Variants in CDH4 observed in about 807,000 individuals in gnomAD.
CDH4 encodes the protein cadherin-4.
A neutral mutation model predicts 86.0 loss-of-function variants in CDH4; 33 were observed. The ratio of observed to expected loss-of-function variants is 0.38; its 90% CI spans 0.29 to 0.51. The LOEUF (loss-of-function observed/expected upper bound fraction) is 0.51. Ranked by LOEUF, CDH4 falls within the 20% of genes least tolerant of loss-of-function variation. The pLI is 0.86. For missense variants in CDH4, 1,114 were observed against 1,307.4 expected, an observed-to-expected ratio of 0.85 and a Z score of 2.28; for synonymous variants, 555 against 549.4, an observed-to-expected ratio of 1.01 and a Z score of -0.14.
intron 2 of CDH4, among the ~76,000 whole-genome samples, chr20:61,312,944 C>T (rs566956361): frequency 6.6e-6 from 1 of 152,126 alleles, no homozygotes; most frequent in Non-Finnish European, 1.5e-5. Flanking sequence ...TCCTCTCCCT[C>T]GATCCAAGCT....
chr20:61,589,492 T>C (rs1310116686), intron 2 of CDH4, among the ~76,000 whole-genome samples: 1 of 152,220 alleles, frequency 6.6e-6, no homozygotes, highest in East Asian at 1.9e-4. Context: ...TTCCTCTTGG[T>C]GAATATGATG....
intron 2 of CDH4, among the ~76,000 whole-genome samples, chr20:61,476,605 C>T (rs978536631): frequency 1.3e-5 from 2 of 152,166 alleles, no homozygotes; most frequent in Non-Finnish European, 2.9e-5. Context: ...GAGCATCAGC[C>T]GCCACACCTG....
chr20:61,897,679 A>G (rs1216283880), intron 8 of CDH4, among the ~76,000 whole-genome samples: 2 of 152,220 alleles, frequency 1.3e-5, no homozygotes, highest in Admixed American at 6.5e-5. Context: ...TCCCCATGGC[A>G]TTTATTAGAG....
intron 2 of CDH4, among the ~76,000 whole-genome samples, chr20:61,643,249 C>T (rs997920302): frequency 6.6e-6 from 1 of 152,196 alleles, no homozygotes; most frequent in Non-Finnish European, 1.5e-5. Context: ...AACAGGCCCA[C>T]TTTCGTGGTA....
intron 2 of CDH4, among the ~76,000 whole-genome samples, chr20:61,432,016 A>G (rs11905352): frequency 0.02 from 3,052 of 152,250 alleles, 103 homozygotes; most frequent in African/African-American, 0.069. Context: ...CCAGTTATGG[A>G]GCACACATTC....
At chr20:61,637,438 C>T (rs2024714) in intron 2 of CDH4, among the ~76,000 whole-genome samples, 91,995 of 152,012 alleles carry the variant, frequency 0.61, 28,117 homozygotes, top group East Asian at 0.71. Context: ...ACGTTGGAGG[C>T]GCCCTTAAGA....
chr20:61,453,432 C>T (rs562021373), intron 2 of CDH4, among the ~76,000 whole-genome samples: 4 of 152,226 alleles, frequency 2.6e-5, no homozygotes, highest in South Asian at 4.2e-4. Flanking sequence ...CAGGAAGTGA[C>T]GGGACCCCCC....
intron 4 of CDH4, among the ~76,000 whole-genome samples, chr20:61,799,572 C>A (rs963708890): frequency 1.3e-5 from 2 of 152,176 alleles, no homozygotes; most frequent in African/African-American, 2.4e-5. Context: ...CTCTCTCCCA[C>A]GTCTCAGGAG....
intron 7 of CDH4, among the ~76,000 whole-genome samples, chr20:61,887,562 C>T (rs890774810): frequency 3.3e-5 from 5 of 152,236 alleles, no homozygotes; most frequent in Non-Finnish European, 7.3e-5. Flanking sequence ...TGGGTTTCTA[C>T]GATGCTTGAT....
chr20:61,693,884 CTTTTTTT>C (rs11479778), intron 2 of CDH4, among the ~76,000 whole-genome samples: 1 of 82,704 alleles, frequency 1.2e-5, no homozygotes, highest in Non-Finnish European at 2.2e-5. Flanking sequence ...CTCTTTCTTT[CTTTTTTT>C]TTTTTTTTTT....
chr20:61,489,293 C>T (rs2085613068), intron 2 of CDH4, among the ~76,000 whole-genome samples: 1 of 152,156 alleles, frequency 6.6e-6, no homozygotes. Context: ...CAGGCACAGC[C>T]CAGTGACTAT....
intron 4 of CDH4, among the ~76,000 whole-genome samples, chr20:61,802,426 GAAA>G: frequency 6.6e-6 from 1 of 152,306 alleles, no homozygotes; most frequent in South Asian, 2.1e-4. Flanking sequence ...AGTATGTGAG[GAAA>G]CTGAAGCTCC....
intron 2 of CDH4, among the ~76,000 whole-genome samples, chr20:61,503,043 C>T (rs2085715973): frequency 6.6e-6 from 1 of 152,030 alleles, no homozygotes; most frequent in Admixed American, 6.6e-5. Flanking sequence ...CCTAGAATAC[C>T]TAAAAAAAAT....
At chr20:61,344,825 A>G (rs1250330802) in intron 2 of CDH4, among the ~76,000 whole-genome samples, 1 of 152,234 alleles carries the variant, frequency 6.6e-6, no homozygotes, top group Non-Finnish European at 1.5e-5. Flanking sequence ...TCCTAAGATT[A>G]AAATTGATCA....
intron 1 of CDH4, among the ~76,000 whole-genome samples, chr20:61,254,230 G>A (rs1481337423): frequency 6.6e-6 from 1 of 152,136 alleles, no homozygotes; most frequent in East Asian, 1.9e-4. Flanking sequence ...AGGTGGAAGC[G>A]CCCCCACTGC....
chr20:61,777,424 C>T (rs2088854300), intron 4 of CDH4, among the ~76,000 whole-genome samples: 1 of 152,234 alleles, frequency 6.6e-6, no homozygotes, highest in Non-Finnish European at 1.5e-5. Context: ...CACACAGGGG[C>T]ATCCCCTTCA....
Position 61,928,239 on chromosome 20 carries a change from C to G in CDH4, c.1821C>G (p.Asp607Glu), listed in dbSNP as rs1199653514. ...GGACCCTCCAGATCTATCTCATTGA[C>G]ATCAACGACAACGCCCCTGAGCTGC... Reference protein sequence around the residue: ...GTGTLQIYLIDINDNAPELLP... With the variant: ...GTGTLQIYLIEINDNAPELLP... Residue 607 changes from aspartate to glutamate, a missense_variant, in exon 12 of 16, where the codon GAC (aspartate) becomes GAG (glutamate). Coordinates refer to ENST00000614565, the MANE Select transcript of CDH4 (RefSeq NM_001794.5). 6.2e-7 allele frequency: 1 copy of G among 1,606,080 alleles called. No individual in the cohort carries two copies. Among genetic ancestry groups the G allele is most frequent in the Admixed American group, 1.7e-5 (1 of 60,032 alleles).
At position 61,743,628 on chromosome 20, in the gene CDH4, G is replaced by A. The variant is rs1286859488; in HGVS notation, c.235G>A (p.Val79Ile). 1 of 1,590,830 alleles carries A rather than the reference G, an allele frequency of 6.3e-7. No individual in the cohort carries two copies. The highest frequency in any genetic ancestry group is 2.3e-5 in the East Asian group (1 of 44,014). The change falls in exon 3 of 16, where the codon GTT (valine) becomes ATT (isoleucine). Residue 79 changes from valine to isoleucine, a missense_variant. Physicochemically the swap from Val to Ile is conservative, Grantham distance 29. Around this residue, in one of 3 missense-constraint regions of CDH4, gnomAD observed 221 missense variants for 209.5 expected, o/e 1.05. Transcript: ENST00000614565. ...QYETNSMDFK[V>I]GADGTVFATR... Reference sequence around the variant, plus strand: ...TGAGACCAACAGCATGGACTTCAAAGTTGGGGCAGATGGGACAGTCTTCGC... The same window carrying A: ...TGAGACCAACAGCATGGACTTCAAAATTGGGGCAGATGGGACAGTCTTCGC...
At chr20:61,375,728 G>A (rs550747544) in intron 2 of CDH4, among the ~76,000 whole-genome samples, 1 of 147,210 alleles carries the variant, frequency 6.8e-6, no homozygotes, top group East Asian at 2.1e-4. Context: ...GTTGATGGTA[G>A]TGTGATGGTC....
Sources: gnomAD v4.1 joint callset for allele counts (sites outside exome capture counted in the v4.1 genomes callset) on GRCh38, gnomAD v4.1.1 for gene constraint, gnomAD v4.1.1 regional missense constraint, MANE v1.5 for transcripts, NCBI Gene and HGNC (gene_info 2026-07-23, HGNC 2026-07-21) for gene names.